TCEA1: variants seen among roughly 807,000 people sequenced by gnomAD.
TCEA1 encodes transcription elongation factor A protein 1.
TCEA1 carries 21 observed loss-of-function variants against 43.8 expected under a neutral mutation model. The ratio of observed to expected loss-of-function variants is 0.48; its 90% CI spans 0.34 to 0.69. The LOEUF (loss-of-function observed/expected upper bound fraction) is 0.69. TCEA1 is among the 30% of genes least tolerant of loss of function. The probability of loss-of-function intolerance (pLI) is 0.01; values close to 1 mark genes in which losing one functional copy is unlikely to be tolerated. For missense variants in TCEA1, 250 were observed against 365.1 expected (o/e 0.68, Z 2.57); for synonymous variants, 104 against 117.5 (o/e 0.88, Z 0.75).
At chr8:53,998,191 A>G (rs1804127595) in intron 3 of TCEA1, among the ~76,000 whole-genome samples, 1 of 152,216 alleles carries the variant, frequency 6.6e-6, no homozygotes, top group South Asian at 2.1e-4. Context: ...GCCCCCACAC[A>G]TACACTAGCG....
chr8:53,975,880 T>C (rs1026774515), intron 8 of TCEA1, among the ~76,000 whole-genome samples: 1 of 152,204 alleles, frequency 6.6e-6, no homozygotes, highest in Non-Finnish European at 1.5e-5. Context: ...TGGGAAATTT[T>C]AGGTTACATA....
chr8:53,985,447 C>T (rs1247707685), intron 6 of TCEA1, among the ~76,000 whole-genome samples: 1 of 152,208 alleles, frequency 6.6e-6, no homozygotes, highest in Non-Finnish European at 1.5e-5. Context: ...TCAAGCTTTA[C>T]TTGCCCAAAT....
chr8:53,981,265 C>T (rs980975960), intron 7 of TCEA1, among the ~76,000 whole-genome samples: 10 of 152,202 alleles, frequency 6.6e-5, no homozygotes, highest in African/African-American at 2.4e-4. Flanking sequence ...CTATTCTAAA[C>T]AAAGATTTTC....
At chr8:53,984,558 A>G (rs1320587842) in intron 6 of TCEA1, 41 bp from the exon 7 acceptor site, 6 of 1,495,088 alleles carry the variant, frequency 4.0e-6, no homozygotes, top group Non-Finnish European at 5.4e-6. Context: ...TTACAAAAGT[A>G]AGATCACTTT....
At chr8:54,007,202 T>C (rs978484489) in intron 2 of TCEA1, among the ~76,000 whole-genome samples, 10 of 152,252 alleles carry the variant, frequency 6.6e-5, no homozygotes, top group African/African-American at 2.4e-4. Flanking sequence ...CTGGTGAAGC[T>C]TATGGAGCCC....
chr8:53,972,366 G>C, intron 8 of TCEA1: 1 of 518,104 alleles, frequency 1.9e-6, no homozygotes, highest in Non-Finnish European at 3.8e-6. Flanking sequence ...CCCTAATCTT[G>C]CAAGGGGTAA....
chr8:53,990,258 T>C (rs1013300408), intron 4 of TCEA1, among the ~76,000 whole-genome samples: 1 of 151,836 alleles, frequency 6.6e-6, no homozygotes, highest in South Asian at 2.1e-4. Context: ...AGGGTCTATG[T>C]TGTCCAGGCT....
intron 8 of TCEA1, chr8:53,973,571 A>ATGGC: frequency 1.8e-6 from 1 of 544,604 alleles, no homozygotes; most frequent in Non-Finnish European, 3.5e-6. Flanking sequence ...AAAGGCTGAA[A>ATGGC]TGGCTTTCCT....
chr8:53,990,448 G>A (rs1331828014), intron 4 of TCEA1, among the ~76,000 whole-genome samples: 1 of 149,494 alleles, frequency 6.7e-6, no homozygotes. Flanking sequence ...CTGCAGCCAT[G>A]ACCCCCAAAC....
At chr8:54,006,981 C>A (rs1378011228) in intron 2 of TCEA1, among the ~76,000 whole-genome samples, 3 of 152,112 alleles carry the variant, frequency 2.0e-5, no homozygotes, top group Non-Finnish European at 4.4e-5. Context: ...GGGATTATTA[C>A]AGGCACATGC....
intron 2 of TCEA1, among the ~76,000 whole-genome samples, chr8:54,004,125 AAAC>A (rs546740951): frequency 1.2e-4 from 18 of 152,352 alleles, no homozygotes; most frequent in Non-Finnish European, 1.9e-4. Context: ...AATCAAAAAC[AAAC>A]AACAACAAGT....
chr8:54,011,195 ATAAG>A (rs1451741087), intron 1 of TCEA1, among the ~76,000 whole-genome samples: 2 of 152,226 alleles, frequency 1.3e-5, no homozygotes, highest in Non-Finnish European at 2.9e-5. Context: ...AAACATACAT[ATAAG>A]TAAAACAAAA....
intron 4 of TCEA1, among the ~76,000 whole-genome samples, chr8:53,990,113 G>A (rs947597108): frequency 1.3e-5 from 2 of 151,672 alleles, no homozygotes; most frequent in Admixed American, 6.6e-5. Context: ...TAGGGGGCTC[G>A]CTTGAGACTG....
intron 2 of TCEA1, among the ~76,000 whole-genome samples, chr8:54,002,418 G>A (rs1250547696): frequency 3.3e-5 from 5 of 150,162 alleles, no homozygotes; most frequent in Non-Finnish European, 5.9e-5. Context: ...GCAGTGAGCC[G>A]AGATTGCACC....
intron 2 of TCEA1, chr8:54,010,053 G>A: frequency 1.6e-5 from 3 of 190,046 alleles, no homozygotes; most frequent in African/African-American, 2.4e-5. Flanking sequence ...GAAAAAAAAA[G>A]GGAGAGGAGC....
chr8:54,006,205 G>T (rs770160900), intron 2 of TCEA1, among the ~76,000 whole-genome samples: 4 of 152,114 alleles, frequency 2.6e-5, no homozygotes, highest in Non-Finnish European at 4.4e-5. Context: ...CTTTTCTTTG[G>T]GTACCTACAT....
intron 4 of TCEA1, among the ~76,000 whole-genome samples, chr8:53,989,929 C>T (rs1803819542): frequency 6.6e-6 from 1 of 151,958 alleles, no homozygotes; most frequent in South Asian, 2.1e-4. Context: ...GCCACCATGC[C>T]CAGTTAATTT....
chr8:54,011,333 C>CA (rs61234870), intron 1 of TCEA1, among the ~76,000 whole-genome samples: 1 of 152,182 alleles, frequency 6.6e-6, no homozygotes, highest in Non-Finnish European at 1.5e-5. Flanking sequence ...GAAGAATCCA[C>CA]AAAAAAGCTA....
intron 2 of TCEA1, chr8:54,002,889 T>TAC (rs2129309691): frequency 2.2e-6 from 1 of 456,300 alleles, no homozygotes; most frequent in East Asian, 6.9e-5. Context: ...AGAAAGACAT[T>TAC]ACCTTGGAAA....
Sources: gnomAD v4.1 joint callset for allele counts (sites outside exome capture counted in the v4.1 genomes callset) on GRCh38, gnomAD v4.1.1 for gene constraint, MANE v1.5 for transcripts, NCBI Gene and HGNC (gene_info 2026-07-23, HGNC 2026-07-21) for gene names.